The following NDRG4 variants were observed in gnomAD, a reference collection of about 807,000 sequenced individuals.
NDRG4 encodes protein NDRG4.
NDRG4 carries 38 observed loss-of-function variants against 55.8 expected under a neutral mutation model. The ratio of observed to expected loss-of-function variants is 0.68; its 90% CI spans 0.53 to 0.89. The LOEUF (loss-of-function observed/expected upper bound fraction) is 0.89, where lower values mean the gene tolerates loss of function less well. Among genes scored for constraint, NDRG4 ranks in the 40% least tolerant of loss-of-function variants. The probability of loss-of-function intolerance (pLI) is 0.00; values close to 1 mark genes in which losing one functional copy is unlikely to be tolerated. For missense variants in NDRG4, 455 were observed against 468.6 expected, an observed-to-expected ratio of 0.97 and a Z score of 0.27; for synonymous variants, 190 against 182.7, an observed-to-expected ratio of 1.04 and a Z score of -0.32.
At chr16:58,471,879 G>T (rs560336153) in intron 1 of NDRG4, among the ~76,000 whole-genome samples, 52 of 152,236 alleles carry the variant, frequency 3.4e-4, no homozygotes, top group African/African-American at 1.2e-3. Context: ...CTTCTCCCCA[G>T]AGTGTGTGAG....
intron 4 of NDRG4, 50 bp from the exon 5 acceptor site, chr16:58,504,539 A>G (rs2037592947): frequency 3.7e-6 from 6 of 1,612,724 alleles, no homozygotes; most frequent in Admixed American, 3.3e-5. Context: ...GATGACATGT[A>G]TGGGAAATGG....
chr16:58,499,945 G>A, upstream of NDRG4: 1 of 535,260 alleles, frequency 1.9e-6, no homozygotes, highest in African/African-American at 1.9e-5. Flanking sequence ...ATGTGTGGCT[G>A]GGGTGGGAGG....
chr16:58,474,163 A>G (rs1331890715), intron 1 of NDRG4, among the ~76,000 whole-genome samples: 2 of 150,436 alleles, frequency 1.3e-5, no homozygotes, highest in African/African-American at 4.9e-5. Flanking sequence ...CAGCCTCCCA[A>G]GTAGCTGGGA....
intron 1 of NDRG4, among the ~76,000 whole-genome samples, chr16:58,468,215 T>C (rs2032086263): frequency 1.3e-5 from 2 of 152,134 alleles, no homozygotes; most frequent in East Asian, 3.9e-4. Context: ...GCTGTTGGGG[T>C]CCTTCTGGAG....
chr16:58,507,784 TCTGCCCCTCCCC>T lies in NDRG4; in HGVS notation c.621-16_621-5del. Reference sequence around the variant, plus strand: ...CTGTCCTGGGGTGCCCACCTCTGCCTCTGCCCCTCCCCCTGCCCCACAGCCGCAGAGACCTGG... The same window carrying T: ...CTGTCCTGGGGTGCCCACCTCTGCCTCTGCCCCACAGCCGCAGAGACCTGG... On this transcript the variant is annotated splice_polypyrimidine_tract_variant and intron_variant, in intron 8 of 14. Coordinates refer to ENST00000570248, the MANE Select transcript of NDRG4 (RefSeq NM_001242835.2). The T allele has an allele frequency of 6.2e-7, 1 of 1,612,120 alleles. No homozygotes were observed. The highest frequency in any genetic ancestry group is 1.1e-5 in the South Asian group (1 of 90,998).
At chr16:58,510,981 C>T in intron 14 of NDRG4, 1 of 537,920 alleles carries the variant, frequency 1.9e-6, no homozygotes, top group Non-Finnish European at 3.3e-6. Context: ...CCTGCCTGAG[C>T]CACATAGGTG....
In NDRG4 at chr16:58,500,155, A is replaced by C; in HGVS notation, c.-94A>C. On this transcript the variant is annotated 5_prime_UTR_variant, in exon 1 of 15. Coordinates refer to ENST00000570248, the MANE Select transcript of NDRG4 (RefSeq NM_001242835.2). ...GCTGTGCCCCATCACAGAGCCGACC[A>C]TCTCCCACTCGAGCTGCCCCCGCCC... The C allele has an allele frequency of 3.9e-6, 6 of 1,535,228 alleles. No individual in the cohort carries two copies. The highest frequency in any genetic ancestry group is 5.2e-6 in the Non-Finnish European group (6 of 1,146,448).
chr16:58,470,940 G>A (rs1038379665), intron 1 of NDRG4, among the ~76,000 whole-genome samples: 2 of 151,416 alleles, frequency 1.3e-5, no homozygotes, highest in African/African-American at 2.4e-5. Flanking sequence ...GGGAAGCAGG[G>A]GATATTCAAA....
At chr16:58,514,767 G>GAA (rs60036706), downstream of NDRG4, among the ~76,000 whole-genome samples, 9 of 131,172 alleles carry the variant, frequency 6.9e-5, no homozygotes, top group Non-Finnish European at 1.2e-4. Flanking sequence ...AAAAAAAAAG[G>GAA]AAAAAAAAAA....
intron 1 of NDRG4, among the ~76,000 whole-genome samples, chr16:58,479,527 G>T (rs796535931): frequency 4.6e-5 from 7 of 152,306 alleles, no homozygotes; most frequent in African/African-American, 1.7e-4. Flanking sequence ...CTACCAAGTT[G>T]TTCTCCAAAT....
At chr16:58,491,355 T>C (rs2035767149) in intron 2 of NDRG4, among the ~76,000 whole-genome samples, 2 of 151,816 alleles carry the variant, frequency 1.3e-5, no homozygotes, top group Admixed American at 1.3e-4. Context: ...TCCTACCCCC[T>C]CTCTCTGTCT....
At chr16:58,487,436 C>T (rs1355340225) in intron 1 of NDRG4, among the ~76,000 whole-genome samples, 3 of 152,126 alleles carry the variant, frequency 2.0e-5, no homozygotes, top group Non-Finnish European at 2.9e-5. Context: ...AGGAGAATCA[C>T]TTGAACTCAG....
rs577483015 is a variant in NDRG4, at chr16:58,505,165, C to G, written c.372+516C>G. Among the ~76,000 whole-genome samples the G allele has an allele frequency of 6.6e-5, 10 of 152,090 alleles. No homozygotes were observed. In the South Asian group the frequency reaches 1.7e-3, roughly 25 times the overall value. The stretch of plus-strand genomic sequence containing the variant: ...GAGATCAAGACCATCCTGGCTAACA[C>G]GGTGAAACCCAGTCTCTACTAAAAA... On this transcript the variant is annotated intron_variant, in intron 5 of 14. Transcript: ENST00000570248.
chr16:58,505,713 C>CTTTTTTTTTTTTTTTTTTTTTTTT (rs1028370131), intron 5 of NDRG4, among the ~76,000 whole-genome samples: 11 of 58,660 alleles, frequency 1.9e-4, no homozygotes, highest in African/African-American at 8.4e-4. Context: ...GCTTCATTTT[C>CTTTTTTTTTTTTTTTTTTTTTTTT]TTTTTTTTTT....
upstream of NDRG4, among the ~76,000 whole-genome samples, chr16:58,496,002 T>G (rs992517651): frequency 2.0e-5 from 3 of 152,118 alleles, no homozygotes; most frequent in African/African-American, 7.2e-5. Context: ...GGGATTTTCT[T>G]TGTCCTCCAT....
intron 8 of NDRG4, 44 bp from the exon 9 acceptor site, chr16:58,507,764 C>G: frequency 6.3e-7 from 1 of 1,597,296 alleles, no homozygotes. Context: ...TCATCCTGTC[C>G]TGGGGTGCCC....
chr16:58,472,926 G>A (rs930338924), intron 1 of NDRG4, among the ~76,000 whole-genome samples: 1 of 152,066 alleles, frequency 6.6e-6, no homozygotes, highest in African/African-American at 2.4e-5. Context: ...CTGCCTCAGT[G>A]GCTTCTCATT....
rs780418844 is a variant in NDRG4, at chr16:58,511,400, C to A, written c.905-22C>A. ...CTGGCCCTGCCCGCCAGTCCTCAGG[C>A]CCATCCTGTCTCTGTCCACAGTGCC... On this transcript the variant is annotated intron_variant, in intron 14 of 14. Coordinates refer to ENST00000570248, the MANE Select transcript of NDRG4 (RefSeq NM_001242835.2). 1.2e-4 allele frequency: 197 copies of A among 1,588,120 alleles called. 1 individual carries two copies. The highest frequency in any genetic ancestry group is 1.2e-3 in the Middle Eastern group (6 of 4,862).
At chr16:58,487,783 C>T (rs1197538055) in exon 2 of NDRG4, 1 of 1,543,648 alleles carries the variant, frequency 6.5e-7, no homozygotes, top group East Asian at 2.5e-5. Context: ...GTGACCATGG[C>T]CGGGCTGCAG....
Sources: gnomAD v4.1 joint callset for allele counts (sites outside exome capture counted in the v4.1 genomes callset) on GRCh38, gnomAD v4.1.1 for gene constraint, MANE v1.5 for transcripts, NCBI Gene and HGNC (gene_info 2026-07-23, HGNC 2026-07-21) for gene names.